Variants in SENP6 observed in about 807,000 individuals in gnomAD.
The protein encoded by SENP6 is sentrin-specific protease 6.
A neutral mutation model predicts 134.5 loss-of-function variants in SENP6; 41 were observed. The observed-to-expected ratio is 0.30, with a 90% confidence interval of 0.24 to 0.40. The LOEUF (loss-of-function observed/expected upper bound fraction) is 0.40, where lower values mean the gene tolerates loss of function less well. SENP6 is among the 10% of genes least tolerant of loss of function. The pLI, the probability that SENP6 is intolerant of heterozygous loss-of-function variation, is 1.00. For missense variants in SENP6, 1,248 were observed against 1,312.5 expected (o/e 0.95, Z 0.76); for synonymous variants, 395 against 429.8 (o/e 0.92, Z 1.00).
chr6:75,708,399 T>C (rs1775545421), intron 19 of SENP6, among the ~76,000 whole-genome samples: 1 of 152,174 alleles, frequency 6.6e-6, no homozygotes, highest in Non-Finnish European at 1.5e-5. Flanking sequence ...TAACTAAAAG[T>C]CATGCTTTTC....
chr6:75,706,102 C>T (rs1258952255), intron 19 of SENP6, among the ~76,000 whole-genome samples: 3 of 151,388 alleles, frequency 2.0e-5, no homozygotes, highest in African/African-American at 7.3e-5. Context: ...CCACCTCACC[C>T]GACCTGTTGA....
At position 75,621,632 on chromosome 6, in the gene SENP6, A is replaced by ATT. The variant is rs573890257; in HGVS notation, c.146+15_146+16dup. The ATT allele has an allele frequency of 6.5e-7, 1 of 1,528,904 alleles. No homozygotes were observed. Among genetic ancestry groups the ATT allele is most frequent in the Non-Finnish European group, 9.0e-7 (1 of 1,113,966 alleles). 94.7% of individuals were successfully genotyped at this position (1,528,904 alleles called of 1,614,324 possible). On this transcript the variant is annotated splice_region_variant and intron_variant, in intron 2 of 23. Coordinates refer to ENST00000447266, the MANE Select transcript of SENP6 (RefSeq NM_015571.4). The stretch of plus-strand genomic sequence containing the variant: ...AAGGAGATACAGATAAAGAGTAAGG[A>ATT]TTTTTTTTTCCCTCAGATGTTTTAT...
intron 5 of SENP6, 114 bp downstream of exon 5, chr6:75,634,925 A>G (rs1769392535): frequency 1.4e-6 from 1 of 705,904 alleles, no homozygotes; most frequent in African/African-American, 1.8e-5. Flanking sequence ...CACTGTCTGT[A>G]GAGAGATATA....
At chr6:75,661,777 A>G (rs970018987) in intron 8 of SENP6, among the ~76,000 whole-genome samples, 44 of 152,266 alleles carry the variant, frequency 2.9e-4, no homozygotes, top group African/African-American at 9.6e-4. Context: ...GGCCGGGCAC[A>G]GTGGCTCATG....
intron 19 of SENP6, among the ~76,000 whole-genome samples, chr6:75,703,788 A>C (rs1775205106): frequency 6.6e-6 from 1 of 151,804 alleles, no homozygotes; most frequent in Non-Finnish European, 1.5e-5. Context: ...AAAATTGAGA[A>C]CTTTCCATCA....
chr6:75,667,740 C>G (rs1772357521), intron 10 of SENP6, among the ~76,000 whole-genome samples: 1 of 152,070 alleles, frequency 6.6e-6, no homozygotes. Context: ...TCCATCTTCC[C>G]CAGTACGTAA....
At position 75,670,719 on chromosome 6, in the gene SENP6, T is replaced by C. The variant is rs1410641588; in HGVS notation, c.1391T>C (p.Ile464Thr). ...TTCCGGCTGTTAATAGAGCCTGTAA[T>C]TGTAAGTACATCTTAAGCTCTTTAC... Reference protein sequence around the residue: ...TLFRLLIEPVIFCLDFIKIQL... With the variant: ...TLFRLLIEPVTFCLDFIKIQL... The change falls in exon 11 of 24, where the codon ATT becomes ACT. Residue 464 changes from isoleucine (I) to threonine (T), a missense_variant and splice_region_variant. Ile to Thr is a moderately conservative substitution (Grantham distance 89, BLOSUM62 -1). Coordinates refer to ENST00000447266, the MANE Select transcript of SENP6 (RefSeq NM_015571.4). The C allele has an allele frequency of 3.6e-5, 57 of 1,598,924 alleles. No homozygotes were observed. The highest frequency in any genetic ancestry group is 4.8e-5 in the Non-Finnish European group (56 of 1,170,546).
chr6:75,603,025 C>T (rs933883983), intron 1 of SENP6, among the ~76,000 whole-genome samples: 2 of 152,200 alleles, frequency 1.3e-5, no homozygotes, highest in African/African-American at 4.8e-5. Flanking sequence ...TTTATACCCT[C>T]TGGTCTGTTT....
At chr6:75,693,951 T>G (rs1384949994) in intron 16 of SENP6, among the ~76,000 whole-genome samples, 1 of 151,998 alleles carries the variant, frequency 6.6e-6, no homozygotes, top group African/African-American at 2.4e-5. Context: ...AAAAAATAAC[T>G]AAGGCAATAA....
intron 2 of SENP6, 60 bp downstream of exon 2, chr6:75,621,685 A>G: frequency 1.0e-6 from 1 of 974,540 alleles, no homozygotes; most frequent in Non-Finnish European, 1.6e-6. Context: ...TTAGAAAAAC[A>G]ATTTCTATTG....
intron 1 of SENP6, among the ~76,000 whole-genome samples, chr6:75,617,930 T>C (rs1166010337): frequency 6.6e-6 from 1 of 152,208 alleles, no homozygotes; most frequent in Admixed American, 6.5e-5. Flanking sequence ...TCTGATGTTT[T>C]CTTATGATTA....
At chr6:75,690,341 C>G (rs1020127707) in intron 16 of SENP6, among the ~76,000 whole-genome samples, 4 of 152,144 alleles carry the variant, frequency 2.6e-5, no homozygotes, top group African/African-American at 9.7e-5. Context: ...ACATATAATG[C>G]AATATGTATA....
intron 12 of SENP6, 108 bp from the exon 13 acceptor site, chr6:75,675,752 A>G: frequency 3.8e-6 from 4 of 1,040,012 alleles, no homozygotes; most frequent in Non-Finnish European, 5.7e-6. Context: ...ATAGAGCATA[A>G]TAAATATGTG....
chr6:75,714,493 C>T (rs1562083125), intron 23 of SENP6, among the ~76,000 whole-genome samples: 2 of 152,202 alleles, frequency 1.3e-5, no homozygotes, highest in Admixed American at 1.3e-4. Flanking sequence ...ATACCAATCT[C>T]TAACAGATTC....
intron 19 of SENP6, among the ~76,000 whole-genome samples, chr6:75,707,023 C>A (rs192309083): frequency 0.019 from 2,922 of 150,296 alleles, 105 homozygotes; most frequent in African/African-American, 0.067. Context: ...ATTGAGAGAA[C>A]CACTGATCAA....
intron 7 of SENP6, among the ~76,000 whole-genome samples, chr6:75,653,267 G>A (rs1032311586): frequency 7.2e-5 from 11 of 152,340 alleles, no homozygotes; most frequent in African/African-American, 2.2e-4. Context: ...CCAACCTGAG[G>A]TGATCCCCCC....
intron 19 of SENP6, among the ~76,000 whole-genome samples, chr6:75,705,545 A>AAAAT (rs375585667): frequency 1.3e-5 from 2 of 151,868 alleles, no homozygotes; most frequent in Admixed American, 6.6e-5. Flanking sequence ...CTCCATCTCA[A>AAAAT]AAATAAATAA....
At chr6:75,640,783 G>A in intron 6 of SENP6, 79 bp downstream of exon 6, 1 of 856,422 alleles carries the variant, frequency 1.2e-6, no homozygotes, top group East Asian at 3.0e-5. Context: ...GAAAAATATT[G>A]GTTGAATTAG....
chr6:75,618,753 T>C (rs1037865329), intron 1 of SENP6, among the ~76,000 whole-genome samples: 1 of 152,202 alleles, frequency 6.6e-6, no homozygotes, highest in Non-Finnish European at 1.5e-5. Flanking sequence ...CACCATAGGG[T>C]TCATTCTGTC....
Sources: gnomAD v4.1 joint callset for allele counts (sites outside exome capture counted in the v4.1 genomes callset) on GRCh38, gnomAD v4.1.1 for gene constraint, MANE v1.5 for transcripts, NCBI Gene and HGNC (gene_info 2026-07-23, HGNC 2026-07-21) for gene names.